EME1: variants seen among roughly 807,000 people sequenced by gnomAD.
EME1 encodes the protein essential meiotic structure-specific endonuclease 1.
A neutral mutation model predicts 59.1 loss-of-function variants in EME1; 61 were observed. The ratio of observed to expected loss-of-function variants is 1.03; its 90% CI spans 0.84 to 1.28. The LOEUF (loss-of-function observed/expected upper bound fraction) is 1.28. EME1 is among the 50% of genes most tolerant of loss of function. The pLI, the probability that EME1 is intolerant of heterozygous loss-of-function variation, is 0.00. For synonymous variants in EME1, 230 were observed against 254.2 expected (o/e 0.90, Z 0.90); for missense variants, 635 against 682.6 (o/e 0.93, Z 0.78).
In EME1 at chr17:50,379,190, T is replaced by C. The variant is rs1913646456; in HGVS notation, c.1196T>C (p.Ile399Thr). The C allele has an allele frequency of 1.2e-6, 2 of 1,614,104 alleles. No homozygotes were observed. Among genetic ancestry groups the C allele is most frequent in the East Asian group, 4.5e-5 (2 of 44,890 alleles). Reference protein sequence around the residue: ...KQQQRQPEASIGSMVSRVDAE... With the variant: ...KQQQRQPEASTGSMVSRVDAE... ...CAGCAGAGACAACCAGAGGCCAGCATAGGGTCCATGGTATCCAGGGTAGAC... is the reference window on the plus strand; with the variant it reads ...CAGCAGAGACAACCAGAGGCCAGCACAGGGTCCATGGTATCCAGGGTAGAC... The change falls in exon 6 of 9, where the codon ATA (isoleucine) becomes ACA (threonine). Residue 399 changes from isoleucine to threonine, a missense_variant. By Grantham distance (89) the Ile-to-Thr change is moderately conservative. Coordinates refer to ENST00000338165, the MANE Select transcript of EME1 (RefSeq NM_152463.4).
intron 8 of EME1, 106 bp downstream of exon 8, chr17:50,380,607 C>A: frequency 6.5e-7 from 1 of 1,534,500 alleles, no homozygotes; most frequent in South Asian, 1.2e-5. Flanking sequence ...CCTCACAGGT[C>A]AGCAGTGCAG....
chr17:50,381,226 G>A lies in EME1; in HGVS notation c.*287G>A. 2.6e-6 allele frequency: 1 copy of A among 381,640 alleles called. No individual in the cohort carries two copies. Among genetic ancestry groups the A allele is most frequent in the South Asian group, 4.3e-5 (1 of 23,018 alleles). 23.6% of individuals were successfully genotyped at this position (381,640 alleles called of 1,614,324 possible). A position where few individuals can be genotyped will look rare whatever the true frequency, so the allele number is the denominator to read the frequency against. On this transcript the variant is annotated 3_prime_UTR_variant, in exon 9 of 9. Coordinates refer to ENST00000338165, the MANE Select transcript of EME1 (RefSeq NM_152463.4). ...CCCAGCCAGCCCTCAAAACACAAAG[G>A]AACAAAGACAGTCCACTCAGACACT...
intron 5 of EME1, 54 bp downstream of exon 5, chr17:50,378,949 G>A (rs2143325206): frequency 4.3e-6 from 7 of 1,613,746 alleles, no homozygotes; most frequent in South Asian, 1.1e-5. Context: ...TTGGGCCAAG[G>A]GGGGTGAGTT....
Position 50,379,460 on chromosome 17 carries a change from G to C in EME1, c.1239G>C (p.Val413=), listed in dbSNP as rs778594398. Residue 413 remains valine, a synonymous_variant, in exon 7 of 9, where the codon GTG becomes GTC. Transcript: ENST00000338165. ...TGCTTTTGGGTTTCTAGGCATTGGT[G>C]GATCTGCAGCTACACACAGAAGCCC... ...VSRVDAEEAL[V]DLQLHTEAQA... 2 of 1,613,936 alleles carry C rather than the reference G, an allele frequency of 1.2e-6. No individual in the cohort carries two copies. The highest frequency in any genetic ancestry group is 2.7e-5 in the African/African-American group (2 of 74,922).
intron 3 of EME1, among the ~76,000 whole-genome samples, chr17:50,376,436 G>A (rs756589226): frequency 5.3e-5 from 8 of 152,112 alleles, no homozygotes; most frequent in Non-Finnish European, 8.8e-5. Context: ...TAGGTTTTTC[G>A]ACCTCAGTAT....
rs1279994184 is a variant in EME1, at chr17:50,376,155, T to C, written c.865T>C (p.Cys289Arg). The change falls in exon 3 of 9, where the codon TGC (cysteine) becomes CGC (arginine). Residue 289 changes from cysteine (C) to arginine (R), a missense_variant. By Grantham distance (180) the Cys-to-Arg change is radical. Transcript: ENST00000338165. ...TGTGATTGAGGCGCAGGCTGTGCCT[T>C]GCAGTGTCACTTGGAGGAGAAGGGC... Reference protein sequence around the residue: ...RCVIEAQAVPCSVTWRRRAGP... With the variant: ...RCVIEAQAVPRSVTWRRRAGP... The C allele has an allele frequency of 2.5e-6, 4 of 1,613,818 alleles. No individual in the cohort carries two copies. The highest frequency in any genetic ancestry group is 3.4e-6 in the Non-Finnish European group (4 of 1,180,016).
In EME1 at chr17:50,379,101, C is replaced by T. The variant is rs375883624; in HGVS notation, c.1113-6C>T. The T allele has an allele frequency of 8.5e-5, 137 of 1,614,024 alleles. No homozygotes were observed. Among genetic ancestry groups the T allele is most frequent in the Admixed American group, 3.5e-4 (21 of 60,000 alleles). ...TGCTGTTCTTTGATTTCCTCCCCTG[C>T]ACCAGTGCTCAGAATCCTCCAAGAA... On this transcript the variant is annotated splice_region_variant and splice_polypyrimidine_tract_variant and intron_variant, in intron 5 of 8. Transcript: ENST00000338165.
Position 50,381,250 on chromosome 17 carries a change from CTTA to C in EME1, c.*314_*316del, listed in dbSNP as rs1406762668. 6 of 308,112 alleles carry C rather than the reference CTTA, an allele frequency of 1.9e-5. No individual in the cohort carries two copies. Among genetic ancestry groups the C allele is most frequent in the Middle Eastern group, 1.8e-3 (2 of 1,088 alleles). The allele number at this position is 308,112 out of a possible 1,614,324, so 19.1% of individuals were successfully genotyped here. Reference sequence around the variant, plus strand: ...GGAACAAAGACAGTCCACTCAGACACTTATTTAATAACTGTAGAAATCCAAAAG... The same window carrying C: ...GGAACAAAGACAGTCCACTCAGACACTTTAATAACTGTAGAAATCCAAAAG... On this transcript the variant is annotated 3_prime_UTR_variant, in exon 9 of 9. Transcript: ENST00000338165.
chr17:50,376,811 C>G (rs1361041531), intron 3 of EME1, among the ~76,000 whole-genome samples: 2 of 152,238 alleles, frequency 1.3e-5, no homozygotes, highest in Non-Finnish European at 2.9e-5. Flanking sequence ...CCTGACTTCA[C>G]TTTTCTCCTT....
intron 3 of EME1, among the ~76,000 whole-genome samples, chr17:50,377,353 A>G (rs1280305648): frequency 6.6e-6 from 1 of 152,194 alleles, no homozygotes; most frequent in African/African-American, 2.4e-5. Flanking sequence ...TGAGGATCAC[A>G]ACGGGAATGA....
In EME1 at chr17:50,375,751, C is replaced by T. The variant is rs773296366; in HGVS notation, c.543C>T (p.Ser181=). The T allele has an allele frequency of 1.2e-6, 2 of 1,614,046 alleles. No homozygotes were observed. The highest frequency in any genetic ancestry group is 2.7e-5 in the African/African-American group (2 of 74,908). ...TGTCTACCTGCCCTGGCCAGAGCAG[C>T]AGCTTGGCAGTAACCAAAACAAATT... The part of the protein sequence containing the change: ...AYLSTCPGQS[S]SLAVTKTNSD... Residue 181 remains serine, a synonymous_variant, in exon 2 of 9, where the codon AGC becomes AGT. Coordinates refer to ENST00000338165, the MANE Select transcript of EME1 (RefSeq NM_152463.4).
At chr17:50,373,526 T>C (rs1267940733) in intron 1 of EME1, among the ~76,000 whole-genome samples, 1 of 152,252 alleles carries the variant, frequency 6.6e-6, no homozygotes. Context: ...CTTAGCCAGC[T>C]GTGTGCCAGA....
chr17:50,378,498 G>A, intron 3 of EME1, 97 bp from the exon 4 acceptor site: 1 of 1,124,596 alleles, frequency 8.9e-7, no homozygotes, highest in Non-Finnish European at 1.4e-6. Context: ...TAAGGGGTGG[G>A]AGTTAGTTCA....
At chr17:50,374,281 G>A (rs1415408160) in intron 1 of EME1, among the ~76,000 whole-genome samples, 5 of 151,590 alleles carry the variant, frequency 3.3e-5, no homozygotes, top group African/African-American at 7.3e-5. Context: ...TCTGTCACCC[G>A]GGCTGGAGTG....
rs757617549 is a variant in EME1, at chr17:50,375,533, C to T, written c.325C>T (p.Gln109Ter). The T allele has an allele frequency of 6.2e-7, 1 of 1,613,890 alleles. No individual in the cohort carries two copies. The highest frequency in any genetic ancestry group is 1.1e-5 in the South Asian group (1 of 91,050). ...TACATGTAAGTTTCTGACCCACAAG[C>T]AACTGAGCCCTGAGGACTCTAGCTC... ...RLTCKFLTHK[Q>*]LSPEDSSSPV... Residue 109 changes from glutamine (Q) to a stop codon, truncating the protein, a stop_gained, in exon 2 of 9, where the codon CAA becomes TAA. Transcript: ENST00000338165. LOFTEE classifies it high-confidence loss of function.
In EME1 at chr17:50,376,077, A is replaced by T; in HGVS notation, c.787A>T (p.Met263Leu). 8 of 1,613,526 alleles carry T rather than the reference A, an allele frequency of 5.0e-6. No homozygotes were observed. Among genetic ancestry groups the T allele is most frequent in the Non-Finnish European group, 6.8e-6 (8 of 1,179,760 alleles). The change falls in exon 3 of 9, where the codon ATG (methionine) becomes TTG (leucine). Residue 263 changes from methionine to leucine, a missense_variant. Physicochemically the swap from Met to Leu is conservative, Grantham distance 15. Coordinates refer to ENST00000338165, the MANE Select transcript of EME1 (RefSeq NM_152463.4). ...IVVLDPVLLQMEGGGQLLGAL... is the reference protein window; with the variant it reads ...IVVLDPVLLQLEGGGQLLGAL... ...TCCATCTGTTGCAGTGCTCTTACAG[A>T]TGGAAGGTGGGGGCCAGCTCCTAGG...
At chr17:50,374,182 A>G (rs1207223273) in intron 1 of EME1, among the ~76,000 whole-genome samples, 2 of 152,194 alleles carry the variant, frequency 1.3e-5, no homozygotes, top group East Asian at 3.8e-4. Flanking sequence ...AAATCTACTG[A>G]ATGTACACTT....
intron 5 of EME1, 75 bp downstream of exon 5, chr17:50,378,970 A>C: frequency 6.2e-7 from 1 of 1,612,698 alleles, no homozygotes; most frequent in African/African-American, 1.3e-5. Flanking sequence ...TAGTTTATTC[A>C]TTGCAGATGT....
Position 50,381,158 on chromosome 17 carries a change from C to G in EME1, c.*219C>G. ...ACCTTTGGCATTTAATGTTCCTCTC[C>G]TGGCAAAAATTCACTGCCACAGACA... On this transcript the variant is annotated 3_prime_UTR_variant, in exon 9 of 9. Transcript: ENST00000338165. The G allele has an allele frequency of 1.7e-6, 1 of 577,766 alleles. No individual in the cohort carries two copies. Among genetic ancestry groups the G allele is most frequent in the East Asian group, 3.0e-5 (1 of 33,856 alleles). The allele number at this position is 577,766 out of a possible 1,614,324, so 35.8% of individuals were successfully genotyped here.
Sources: allele counts gnomAD v4.1 joint callset (sites outside exome capture counted in the v4.1 genomes callset), GRCh38; gene constraint gnomAD v4.1.1; transcripts MANE v1.5; gene names NCBI Gene and HGNC (gene_info 2026-07-23, HGNC 2026-07-21).